The following SNRNP200 variants were observed in gnomAD, a reference collection of about 807,000 sequenced individuals.
The protein encoded by SNRNP200 is small nuclear ribonucleoprotein U5 subunit 200.
A neutral mutation model predicts 255.2 loss-of-function variants in SNRNP200; 66 were observed. That is an observed-to-expected ratio of 0.26 (90% CI 0.21 to 0.32). The LOEUF (loss-of-function observed/expected upper bound fraction) is 0.32. Ranked by LOEUF, SNRNP200 falls within the 10% of genes least tolerant of loss-of-function variation. The pLI, the probability that SNRNP200 is intolerant of heterozygous loss-of-function variation, is 1.00. For synonymous variants in SNRNP200, 939 were observed against 1,027.8 expected, an observed-to-expected ratio of 0.91 and a Z score of 1.65; for missense variants, 1,585 against 2,749.8, an observed-to-expected ratio of 0.58 and a Z score of 9.47.
At chr2:96,288,809 A>G in intron 23 of SNRNP200, 63 bp from the exon 24 acceptor site, 1 of 1,400,676 alleles carries the variant, frequency 7.1e-7, no homozygotes, top group Non-Finnish European at 1.0e-6. Flanking sequence ...AAAGGGAATT[A>G]CATTTCTGCT....
chr2:96,301,399 A>G (rs1418925309), intron 4 of SNRNP200, 125 bp downstream of exon 4: 9 of 1,080,530 alleles, frequency 8.3e-6, no homozygotes, highest in Non-Finnish European at 1.2e-5. Flanking sequence ...ACTCTTCAAA[A>G]AACACAGAAC....
At chr2:96,276,306 A>G (rs1383784292) in intron 43 of SNRNP200, among the ~76,000 whole-genome samples, 1 of 152,198 alleles carries the variant, frequency 6.6e-6, no homozygotes. Flanking sequence ...AGAAACAACC[A>G]GGAAAGCCCA....
rs2063842543 is a variant in SNRNP200 at position 96,286,169 on chromosome 2, GT to G, written c.4003+141del. On this transcript the variant is annotated intron_variant, in intron 29 of 44. Coordinates refer to ENST00000323853, the MANE Select transcript of SNRNP200 (RefSeq NM_014014.5). This position sits in a 1 kb window ranked among gnomAD's most constrained non-coding sequence, Gnocchi z 4.8. ...CCAAAGGCTTCTGACAAAGGAAAAA[GT>G]CCTGGTGGGTCCCAGCGGTCACACT... 1 of 833,930 alleles carries G rather than the reference GT, an allele frequency of 1.2e-6. No homozygotes were observed. The highest frequency in any genetic ancestry group is 1.7e-5 in the African/African-American group (1 of 59,492). The allele number at this position is 833,930 out of a possible 1,614,324, so 51.7% of individuals were successfully genotyped here.
At chr2:96,297,240 T>A (rs765669600) in intron 11 of SNRNP200, 123 bp downstream of exon 11, 317 of 1,511,506 alleles carry the variant, frequency 2.1e-4, no homozygotes, top group Non-Finnish European at 2.8e-4. Context: ...AATGGGAAAA[T>A]TCTGTTGCAG....
At position 96,284,510 on chromosome 2, in the gene SNRNP200, T is replaced by C. The variant is rs1214237704; in HGVS notation, c.4240A>G (p.Thr1414Ala). The part of the protein sequence containing the change: ...KVVLLTGETS[T>A]DLKLLGKGNI... ...CCTTTGCCCAGCAGCTTCAGGTCTG[T>C]GCTGGTCTCGCCTGTCAGGAGTACC... is the stretch of plus-strand genomic sequence containing the variant. The change falls in exon 31 of 45, where the codon ACA becomes GCA. Residue 1414 changes from threonine (T) to alanine (A), a missense_variant. Thr to Ala is a moderately conservative substitution (Grantham distance 58, BLOSUM62 0). This residue lies in a region of SNRNP200 where 719 missense variants were observed against 1,091.1 expected (regional missense o/e 0.66). Coordinates refer to ENST00000323853, the MANE Select transcript of SNRNP200 (RefSeq NM_014014.5). The C allele has an allele frequency of 6.2e-7, 1 of 1,614,222 alleles. No homozygotes were observed.
rs1434850415 is a variant in SNRNP200 at position 96,277,066 on chromosome 2, C to A, written c.6092+15G>T. 6.8e-6 allele frequency: 11 copies of A among 1,614,194 alleles called. No homozygotes were observed. Among genetic ancestry groups the A allele is most frequent in the Non-Finnish European group, 9.3e-6 (11 of 1,180,026 alleles). On this transcript the variant is annotated intron_variant, in intron 42 of 44. Transcript: ENST00000323853. This position sits in a 1 kb window ranked among gnomAD's most constrained non-coding sequence, Gnocchi z 4.4. ...ACTATTATGCTGTGCCCAACAGGCA[C>A]CACCTCTGGCTCACCTGCGGATGCT... is the stretch of plus-strand genomic sequence containing the variant.
At chr2:96,279,305 G>A (rs1684721034) in intron 36 of SNRNP200, 146 bp downstream of exon 36, 1 of 723,290 alleles carries the variant, frequency 1.4e-6, no homozygotes. Context: ...TTCCATGTGG[G>A]TGGCAGGCTC....
intron 43 of SNRNP200, chr2:96,276,393 C>T (rs10203981): frequency 1.5e-4 from 29 of 194,314 alleles, no homozygotes; most frequent in African/African-American, 5.9e-4. Flanking sequence ...ACACAACTGA[C>T]GGGTTTAACA....
chr2:96,282,730 C>G lies in SNRNP200; in HGVS notation c.4915+471G>C, dbSNP rs528265242. On this transcript the variant is annotated intron_variant, in intron 34 of 44. Coordinates refer to ENST00000323853, the MANE Select transcript of SNRNP200 (RefSeq NM_014014.5). ...GTCCTGACTCCTGCCATATAAGATG[C>G]CTGCTTCCCCTTTGCCTTCCCTGAG... 4.6e-5 allele frequency: 13 copies of G among 281,376 alleles called. 1 individual carries two copies. The highest frequency in any genetic ancestry group is 3.7e-4 in the South Asian group (10 of 27,138). The allele number at this position is 281,376 out of a possible 1,614,324, so 17.4% of individuals were successfully genotyped here. A position where few individuals can be genotyped will look rare whatever the true frequency, so the allele number is the denominator to read the frequency against.
chr2:96,303,957 C>A (rs2063971014), intron 2 of SNRNP200, among the ~76,000 whole-genome samples: 1 of 150,766 alleles, frequency 6.6e-6, no homozygotes, highest in Admixed American at 6.6e-5. Context: ...AGGATTTTGA[C>A]TAGTTTTTCA....
chr2:96,286,374 T>C lies in SNRNP200; in HGVS notation c.3940A>G (p.Asn1314Asp). The change falls in exon 29 of 45, where the codon AAC becomes GAC. Residue 1314 changes from asparagine (N) to aspartate (D), a missense_variant. Physicochemically the swap from Asn to Asp is conservative, Grantham distance 23. Transcript: ENST00000323853. This position sits in a 1 kb window ranked among gnomAD's most constrained non-coding sequence, Gnocchi z 4.8. Reference protein sequence around the residue: ...LQPLPVSALRNSAFESLYQDK... With the variant: ...LQPLPVSALRDSAFESLYQDK... ...TGGTAAAGACTCTCAAAGGCACTGT[T>C]TCTCAGAGCAGACACGGGCAAGGGC... 1 of 1,614,140 alleles carries C rather than the reference T, an allele frequency of 6.2e-7. No homozygotes were observed. The highest frequency in any genetic ancestry group is 8.5e-7 in the Non-Finnish European group (1 of 1,180,012).
In SNRNP200 at chr2:96,286,629, C is replaced by T. The variant is rs2104344228; in HGVS notation, c.3829+59G>A. On this transcript the variant is annotated intron_variant, in intron 28 of 44. Transcript: ENST00000323853. The surrounding 1 kb of genome is among the most constrained non-coding windows in gnomAD (Gnocchi z 4.8). ...GGCAAGCCCGGGACAAAGTGCAAGA[C>T]ATTCTTCTACTGTCCTTGGAGGGAC... The T allele has an allele frequency of 1.2e-6, 2 of 1,602,082 alleles. No individual in the cohort carries two copies. Among genetic ancestry groups the T allele is most frequent in the Non-Finnish European group, 1.7e-6 (2 of 1,171,528 alleles).
At position 96,277,301 on chromosome 2, in the gene SNRNP200, G is replaced by A. The variant is rs1684684614; in HGVS notation, c.5932-60C>T. The A allele has an allele frequency of 6.3e-7, 1 of 1,575,570 alleles. No individual in the cohort carries two copies. The highest frequency in any genetic ancestry group is 1.1e-5 in the South Asian group (1 of 90,214). On this transcript the variant is annotated intron_variant, in intron 41 of 44. Transcript: ENST00000323853. This position sits in a 1 kb window ranked among gnomAD's most constrained non-coding sequence, Gnocchi z 4.4. ...ACACGGGCCAACAGCAAATGACACA[G>A]GCAGCAAAGAGCTACTAATTTTACC...
At chr2:96,300,727 G>A (rs2063947092) in intron 5 of SNRNP200, among the ~76,000 whole-genome samples, 1 of 151,652 alleles carries the variant, frequency 6.6e-6, no homozygotes, top group Non-Finnish European at 1.5e-5. Context: ...TCGCACCACT[G>A]CACTCCAGCC....
rs192987992 is a variant in SNRNP200 at position 96,277,346 on chromosome 2, C to G, written c.5932-105G>C. On this transcript the variant is annotated intron_variant, in intron 41 of 44. Transcript: ENST00000323853. The surrounding 1 kb of genome is among the most constrained non-coding windows in gnomAD (Gnocchi z 4.4). ...TTTACCTCCTACACTATCAAGTCAT[C>G]TAGATAAAACAGCTGCAGAAAGAAC... The G allele has an allele frequency of 7.4e-7, 1 of 1,349,992 alleles. No individual in the cohort carries two copies. Among genetic ancestry groups the G allele is most frequent in the East Asian group, 2.3e-5 (1 of 43,506 alleles). 83.6% of individuals were successfully genotyped at this position (1,349,992 alleles called of 1,614,324 possible).
chr2:96,298,363 A>C lies in SNRNP200; in HGVS notation c.1040T>G (p.Met347Arg), dbSNP rs887221487. The change falls in exon 9 of 45, where the codon ATG (methionine) becomes AGG (arginine). Residue 347 changes from methionine to arginine, a missense_variant. By Grantham distance (91) the Met-to-Arg change is moderately conservative. Around this residue, in one of 9 missense-constraint regions of SNRNP200, gnomAD observed 383 missense variants for 645.3 expected, o/e 0.59. Transcript: ENST00000323853. Reference protein sequence around the residue: ...AQSEAEKERIMGKMEADPELS... With the variant: ...AQSEAEKERIRGKMEADPELS... ...CTCTGGGTCAGCTTCCATCTTTCCC[A>C]TAATCCTTTCCTTTTCAGCTTCACT... The C allele has an allele frequency of 1.1e-5, 17 of 1,614,098 alleles. No homozygotes were observed. The highest frequency in any genetic ancestry group is 1.4e-5 in the Non-Finnish European group (17 of 1,180,052).
intron 43 of SNRNP200, chr2:96,276,610 C>T (rs1017282155): frequency 3.3e-5 from 13 of 395,052 alleles, no homozygotes; most frequent in Admixed American, 2.1e-4. Flanking sequence ...TTAGTAGAGA[C>T]GGGGTTTCAC....
rs759275511 is a variant in SNRNP200 at position 96,293,512 on chromosome 2, A to G, written c.1843-3T>C. Reference sequence around the variant, plus strand: ...TCGTGGAGAAGATGAATCTCATCCTACGGAATTGGAGGACAGAAATTACCT... The same window carrying G: ...TCGTGGAGAAGATGAATCTCATCCTGCGGAATTGGAGGACAGAAATTACCT... On this transcript the variant is annotated splice_polypyrimidine_tract_variant and splice_region_variant and intron_variant, in intron 14 of 44. Coordinates refer to ENST00000323853, the MANE Select transcript of SNRNP200 (RefSeq NM_014014.5). 5.6e-6 allele frequency: 9 copies of G among 1,611,912 alleles called. No homozygotes were observed. The highest frequency in any genetic ancestry group is 1.7e-5 in the Admixed American group (1 of 60,012).
intron 5 of SNRNP200, 107 bp from the exon 6 acceptor site, chr2:96,299,534 T>A: frequency 1.0e-6 from 1 of 954,178 alleles, no homozygotes. Flanking sequence ...GAGAAATGGC[T>A]TTGGGGTGAA....
Sources: gnomAD v4.1 joint callset for allele counts (sites outside exome capture counted in the v4.1 genomes callset) on GRCh38, gnomAD v4.1.1 for gene constraint, gnomAD v4.1.1 regional missense constraint, Gnocchi (gnomAD v3.1) non-coding constraint, MANE v1.5 for transcripts, NCBI Gene and HGNC (gene_info 2026-07-23, HGNC 2026-07-21) for gene names.